The following PLA1A variants were observed in gnomAD, a reference collection of about 807,000 sequenced individuals.
The protein encoded by PLA1A is phospholipase A1 member A.
In PLA1A, 47 loss-of-function variants were observed where a neutral mutation model predicts 49.4. The observed-to-expected ratio is 0.95, with a 90% confidence interval of 0.75 to 1.21. The LOEUF (loss-of-function observed/expected upper bound fraction) is 1.21, where lower values mean the gene tolerates loss of function less well. Ranked by LOEUF, PLA1A falls within the 50% of genes most tolerant of loss-of-function variation. The pLI, the probability that PLA1A is intolerant of heterozygous loss-of-function variation, is 0.00. For synonymous variants in PLA1A, 224 were observed against 207.9 expected, an observed-to-expected ratio of 1.08 and a Z score of -0.67; for missense variants, 561 against 563.9, an observed-to-expected ratio of 0.99 and a Z score of 0.05.
intron 9 of PLA1A, among the ~76,000 whole-genome samples, chr3:119,626,204 A>C (rs1408537481): frequency 1.3e-5 from 2 of 152,204 alleles, no homozygotes; most frequent in African/African-American, 4.8e-5. Flanking sequence ...AGCTGAACCC[A>C]TGGGAAGTGC....
Position 119,608,912 on chromosome 3 carries a change from A to G in PLA1A, c.418A>G (p.Ser140Gly). Reference sequence around the variant, plus strand: ...AGCTGTGAAAAATGTGATTAAGTTGAGCCTCGAGATCTCCCTTTTCCTCAA... The same window carrying G: ...AGCTGTGAAAAATGTGATTAAGTTGGGCCTCGAGATCTCCCTTTTCCTCAA... Reference protein sequence around the residue: ...FSAVKNVIKLSLEISLFLNKL... With the variant: ...FSAVKNVIKLGLEISLFLNKL... Residue 140 changes from serine (S) to glycine (G), a missense_variant, in exon 3 of 11, where the codon AGC (serine) becomes GGC (glycine). By Grantham distance (56) the Ser-to-Gly change is moderately conservative. Coordinates refer to ENST00000273371, the MANE Select transcript of PLA1A (RefSeq NM_015900.4). 6.2e-7 allele frequency: 1 copy of G among 1,614,112 alleles called. No homozygotes were observed.
At chr3:119,611,932 G>A (rs2082768674) in intron 4 of PLA1A, among the ~76,000 whole-genome samples, 1 of 152,080 alleles carries the variant, frequency 6.6e-6, no homozygotes. Flanking sequence ...GGTTGTAACA[G>A]CCCACATCTC....
rs147526432 is a variant in PLA1A, at chr3:119,617,532, C to G, written c.755-487C>G. 5.5e-3 allele frequency among the ~76,000 whole-genome samples: 839 copies of G among 151,918 alleles called. 8 individuals carry two copies. The highest frequency in any genetic ancestry group is 0.019 in the African/African-American group (798 of 41,406). On this transcript the variant is annotated intron_variant, in intron 6 of 10. Coordinates refer to ENST00000273371, the MANE Select transcript of PLA1A (RefSeq NM_015900.4). Reference sequence around the variant, plus strand: ...TTGAGGCAGGTGGATCACCTGAGGTCAGGAGTTTGAGACCAGCCTGGCCAA... The same window carrying G: ...TTGAGGCAGGTGGATCACCTGAGGTGAGGAGTTTGAGACCAGCCTGGCCAA...
chr3:119,620,895 A>G (rs1028889966), intron 8 of PLA1A, among the ~76,000 whole-genome samples: 1 of 152,214 alleles, frequency 6.6e-6, no homozygotes, highest in African/African-American at 2.4e-5. Flanking sequence ...AAGTCTCCAC[A>G]GCTGGATGAA....
At chr3:119,626,609 A>C (rs2052542338) in intron 9 of PLA1A, among the ~76,000 whole-genome samples, 1 of 152,204 alleles carries the variant, frequency 6.6e-6, no homozygotes, top group South Asian at 2.1e-4. Flanking sequence ...TTGGAGAGCC[A>C]CTGGGAGTTT....
intron 9 of PLA1A, among the ~76,000 whole-genome samples, chr3:119,625,754 A>C (rs954055656): frequency 6.6e-6 from 1 of 152,146 alleles, no homozygotes; most frequent in African/African-American, 2.4e-5. Flanking sequence ...GTGCTGGGTG[A>C]TTCCTGAAAC....
At chr3:119,619,715 G>A in intron 8 of PLA1A, 63 bp downstream of exon 8, 1 of 1,113,348 alleles carries the variant, frequency 9.0e-7, no homozygotes, top group Non-Finnish European at 1.4e-6. Flanking sequence ...GTCCAGCCCA[G>A]TGTGGTAGCC....
intron 1 of PLA1A, among the ~76,000 whole-genome samples, chr3:119,599,973 CGTGTGTGTGT>C (rs141896264): frequency 6.7e-6 from 1 of 149,272 alleles, no homozygotes; most frequent in African/African-American, 2.4e-5. Context: ...AGTGTGTGTG[CGTGTGTGTGT>C]GTGTGTGGCT....
intron 9 of PLA1A, 118 bp downstream of exon 9, chr3:119,625,350 G>T (rs570029521): frequency 1.5e-6 from 1 of 662,242 alleles, no homozygotes; most frequent in Non-Finnish European, 2.7e-6. Flanking sequence ...GGGCCCAGCC[G>T]GCTTGGCTGG....
At chr3:119,619,443 G>T (rs755298768) in intron 7 of PLA1A, 120 bp from the exon 8 acceptor site, 17 of 737,998 alleles carry the variant, frequency 2.3e-5, no homozygotes, top group Admixed American at 1.2e-4. Context: ...CATAGTGCGT[G>T]TATGGTGTAG....
At chr3:119,628,007 T>TG (rs397775822) in intron 9 of PLA1A, among the ~76,000 whole-genome samples, 26,967 of 151,790 alleles carry the variant, frequency 0.18, 2,745 homozygotes, top group East Asian at 0.47. Context: ...AAAGGGAATC[T>TG]GGGGGGGCAA....
intron 8 of PLA1A, among the ~76,000 whole-genome samples, chr3:119,622,703 A>G (rs1477826621): frequency 2.0e-5 from 3 of 152,152 alleles, no homozygotes; most frequent in African/African-American, 4.8e-5. Flanking sequence ...CTATGTTCCC[A>G]TCACCAAAGG....
rs199968456 is a variant in PLA1A, at chr3:119,629,503, T to TTTC, written c.*37_*38insCTT. Reference sequence around the variant, plus strand: ...GGCAGGACACATCTCCCTGCATTTTTTTTTTTTTTTTGAGAGAGAGGTGTG... The same window carrying TTTC: ...GGCAGGACACATCTCCCTGCATTTTTTTCTTTTTTTTTTTGAGAGAGAGGTGTG... On this transcript the variant is annotated 3_prime_UTR_variant, in exon 11 of 11. Coordinates refer to ENST00000273371, the MANE Select transcript of PLA1A (RefSeq NM_015900.4). The TTTC allele has an allele frequency of 2.6e-5, 31 of 1,194,072 alleles. No individual in the cohort carries two copies. The highest frequency in any genetic ancestry group is 3.9e-5 in the Non-Finnish European group (31 of 803,782). The allele number at this position is 1,194,072 out of a possible 1,614,324, so 74.0% of individuals were successfully genotyped here.
At chr3:119,615,804 A>T (rs2082837937) in intron 5 of PLA1A, among the ~76,000 whole-genome samples, 1 of 151,682 alleles carries the variant, frequency 6.6e-6, no homozygotes, top group African/African-American at 2.4e-5. Context: ...AGAGCGAGAG[A>T]GCGAAAAAAG....
chr3:119,627,433 A>G (rs1007249125), intron 9 of PLA1A, among the ~76,000 whole-genome samples: 2 of 152,188 alleles, frequency 1.3e-5, no homozygotes, highest in Non-Finnish European at 2.9e-5. Flanking sequence ...CCTCTGTAAT[A>G]TTTCAAAAGA....
At chr3:119,617,604 A>G (rs2082865677) in intron 6 of PLA1A, among the ~76,000 whole-genome samples, 1 of 151,918 alleles carries the variant, frequency 6.6e-6, no homozygotes, top group Non-Finnish European at 1.5e-5. Context: ...TTTGTGAGGC[A>G]TGGTGGTGTG....
chr3:119,604,594 T>A (rs79242796), intron 1 of PLA1A, among the ~76,000 whole-genome samples: 3,489 of 152,202 alleles, frequency 0.023, 62 homozygotes, highest in Middle Eastern at 0.065. Flanking sequence ...AGATTGTGGC[T>A]CTCAGAGGCT....
chr3:119,611,008 C>T (rs572699257), intron 4 of PLA1A, among the ~76,000 whole-genome samples: 1 of 152,200 alleles, frequency 6.6e-6, no homozygotes, highest in South Asian at 2.1e-4. Context: ...GGTAGGGGTC[C>T]AGTTTCATTC....
chr3:119,612,784 A>G (rs1166916754), intron 4 of PLA1A, among the ~76,000 whole-genome samples: 1 of 152,070 alleles, frequency 6.6e-6, no homozygotes, highest in Non-Finnish European at 1.5e-5. Flanking sequence ...CACCGCGCCC[A>G]GCCTCAAGCT....
Sources: gnomAD v4.1 joint callset for allele counts (sites outside exome capture counted in the v4.1 genomes callset) on GRCh38, gnomAD v4.1.1 for gene constraint, MANE v1.5 for transcripts, NCBI Gene and HGNC (gene_info 2026-07-23, HGNC 2026-07-21) for gene names.